Variants in DUSP15 observed in about 807,000 individuals in gnomAD.
DUSP15 encodes the protein dual specificity phosphatase 15.
DUSP15 carries 23 observed loss-of-function variants against 26.3 expected under a neutral mutation model. The ratio of observed to expected loss-of-function variants is 0.87; its 90% CI spans 0.63 to 1.24. DUSP15 has a LOEUF of 1.24. DUSP15 is among the 50% of genes most tolerant of loss of function. The pLI is 0.00. For missense variants in DUSP15, 364 were observed against 320.6 expected (o/e 1.14, Z -1.03); for synonymous variants, 143 against 135.5 (o/e 1.06, Z -0.39).
chr20:31,865,531 C>G (rs946830037), intron 3 of DUSP15, among the ~76,000 whole-genome samples: 2 of 152,214 alleles, frequency 1.3e-5, no homozygotes, highest in Non-Finnish European at 2.9e-5. Flanking sequence ...ATTAGCCACA[C>G]AATATCATGA....
intron 7 of DUSP15, among the ~76,000 whole-genome samples, chr20:31,850,132 C>T (rs940959077): frequency 2.0e-5 from 3 of 152,198 alleles, no homozygotes; most frequent in African/African-American, 7.2e-5. Context: ...AGGGCATGAC[C>T]CTCCCAGCAA....
chr20:31,861,817 T>C, intron 6 of DUSP15, 142 bp from the exon 7 acceptor site: 1 of 666,440 alleles, frequency 1.5e-6, no homozygotes, highest in East Asian at 3.5e-5. Flanking sequence ...CTGAGCGTCT[T>C]CTTTGCCTCC....
downstream of DUSP15, chr20:31,860,981 C>T: frequency 1.0e-6 from 1 of 1,005,002 alleles, no homozygotes; most frequent in Non-Finnish European, 1.2e-6. Flanking sequence ...ATCCCCTTTT[C>T]TGCAGGCTGC....
chr20:31,868,252 T>TG (rs1239459287), intron 2 of DUSP15, among the ~76,000 whole-genome samples: 1 of 152,146 alleles, frequency 6.6e-6, no homozygotes, highest in Admixed American at 6.5e-5. Flanking sequence ...TACAGAGGGT[T>TG]CAGACCTTAC....
rs759679396 is a variant in DUSP15 at position 31,861,484 on chromosome 20, G to A, written c.627C>T (p.His209=). 1 of 1,540,706 alleles carries A rather than the reference G, an allele frequency of 6.5e-7. No homozygotes were observed. Among genetic ancestry groups the A allele is most frequent in the South Asian group, 1.2e-5 (1 of 83,598 alleles). Reference sequence around the variant, plus strand: ...CGCGCGCCAGCAGCGGCAGCGGCCGGTGGGCTTCCCGGGGCGTGCGCGGCA... The same window carrying A: ...CGCGCGCCAGCAGCGGCAGCGGCCGATGGGCTTCCCGGGGCGTGCGCGGCA... ...RLVPRTPREA[H]RPLPLLARVK... is the part of the protein sequence containing the mutation. The change falls in exon 7 of 7, where the codon CAC becomes CAT. Residue 209 remains histidine (H), a synonymous_variant. Transcript: ENST00000339738.
chr20:31,850,826 T>G, intron 6 of DUSP15: 49 of 797,206 alleles, frequency 6.1e-5, no homozygotes, highest in Non-Finnish European at 9.3e-5. Flanking sequence ...TGGGTGGTAG[T>G]AAGGAACCCT....
Position 31,861,572 on chromosome 20 carries a change from G to A in DUSP15, c.539C>T (p.Ala180Val), listed in dbSNP as rs1313541482. ...CGGCCCGGCGGAGGAGGCCGAGGTCGCGGAGCCCTGCCGGCAGCGCTTGCA... is the reference window on the plus strand; with the variant it reads ...CGGCCCGGCGGAGGAGGCCGAGGTCACGGAGCCCTGCCGGCAGCGCTTGCA... ...PLCKRCRQGS[A>V]TSASSAGPHS... The change falls in exon 7 of 7, where the codon GCG (alanine) becomes GTG (valine). Residue 180 changes from alanine to valine, a missense_variant. Transcript: ENST00000339738. 1 of 1,499,000 alleles carries A rather than the reference G, an allele frequency of 6.7e-7. No individual in the cohort carries two copies. The highest frequency in any genetic ancestry group is 2.1e-5 in the Admixed American group (1 of 46,618). The allele number at this position is 1,499,000 out of a possible 1,614,324, so 92.9% of individuals were successfully genotyped here. A position where few individuals can be genotyped will look rare whatever the true frequency, so the allele number is the denominator to read the frequency against.
downstream of DUSP15, among the ~76,000 whole-genome samples, chr20:31,846,291 CAG>C (rs1361812083): frequency 1.4e-5 from 2 of 140,840 alleles, no homozygotes; most frequent in South Asian, 2.2e-4. Context: ...GACACAGACA[CAG>C]ACACACACAC....
At chr20:31,855,423 T>G (rs2062544655) in intron 6 of DUSP15, among the ~76,000 whole-genome samples, 1 of 152,072 alleles carries the variant, frequency 6.6e-6, no homozygotes, top group Non-Finnish European at 1.5e-5. Context: ...GTCGACTGTG[T>G]GTGGTGGGGG....
Position 31,861,528 on chromosome 20 carries a change from C to T in DUSP15, c.583G>A (p.Gly195Arg). 3 of 1,516,716 alleles carry T rather than the reference C, an allele frequency of 2.0e-6. No homozygotes were observed. The highest frequency in any genetic ancestry group is 1.8e-6 in the Non-Finnish European group (2 of 1,140,534). 94.0% of individuals were successfully genotyped at this position (1,516,716 alleles called of 1,614,324 possible). ...SAGPHSAASE[G>R]TVQRLVPRTP... ...CGCGGCACCAGGCGCTGCACGGTTC[C>T]CTCGGAGGCTGCTGAGTGCGGCCCG... Residue 195 changes from glycine to arginine, a missense_variant, in exon 7 of 7, where the codon GGA becomes AGA. Coordinates refer to ENST00000339738, the MANE Select transcript of DUSP15 (RefSeq NM_080611.5).
At position 31,863,894 on chromosome 20, in the gene DUSP15, C is replaced by G. The variant is rs201510689; in HGVS notation, c.263+13G>C. On this transcript the variant is annotated intron_variant, in intron 5 of 6. Coordinates refer to ENST00000339738, the MANE Select transcript of DUSP15 (RefSeq NM_080611.5). ...CCTTCCTCCCCCACCTTATCCCCCT[C>G]CGCTTAACTCACCAGTGCACAAGGC... The G allele has an allele frequency of 1.2e-6, 2 of 1,612,924 alleles. No individual in the cohort carries two copies. Among genetic ancestry groups the G allele is most frequent in the Non-Finnish European group, 1.7e-6 (2 of 1,179,040 alleles).
chr20:31,846,442 T>TAA (rs1555791620), downstream of DUSP15, among the ~76,000 whole-genome samples: 8 of 107,786 alleles, frequency 7.4e-5, no homozygotes, highest in Admixed American at 1.8e-4. Flanking sequence ...AAGGAATGAA[T>TAA]AGAGAGAGAG....
intron 2 of DUSP15, among the ~76,000 whole-genome samples, chr20:31,868,820 G>T (rs1352199960): frequency 6.6e-6 from 1 of 152,152 alleles, no homozygotes; most frequent in Non-Finnish European, 1.5e-5. Context: ...TCTACCCAAG[G>T]TCTATGTTCA....
intron 2 of DUSP15, among the ~76,000 whole-genome samples, chr20:31,868,156 G>T (rs1363655549): frequency 6.6e-6 from 1 of 152,186 alleles, no homozygotes; most frequent in Non-Finnish European, 1.5e-5. Flanking sequence ...AGCATTTACC[G>T]AGTGCTAACC....
At chr20:31,866,657 G>C (rs1188806641) in intron 3 of DUSP15, among the ~76,000 whole-genome samples, 1 of 152,168 alleles carries the variant, frequency 6.6e-6, no homozygotes, top group African/African-American at 2.4e-5. Flanking sequence ...AGCCTTCTGG[G>C]GGCAGACAGA....
At chr20:31,852,120 G>A (rs1029900196) in intron 6 of DUSP15, among the ~76,000 whole-genome samples, 13 of 151,012 alleles carry the variant, frequency 8.6e-5, no homozygotes, top group Non-Finnish European at 1.3e-4. Flanking sequence ...TGATTCTCCC[G>A]CCTCAGCCTC....
At chr20:31,864,259 G>A (rs955677157) in intron 4 of DUSP15, 1 of 1,185,340 alleles carries the variant, frequency 8.4e-7, no homozygotes, top group Non-Finnish European at 1.1e-6. Context: ...TTTTCATGTT[G>A]GGTTTATTGT....
At chr20:31,861,972 C>T (rs998288622) in intron 6 of DUSP15, among the ~76,000 whole-genome samples, 25 of 151,838 alleles carry the variant, frequency 1.6e-4, no homozygotes, top group Admixed American at 1.0e-3. Flanking sequence ...GATCACTCCT[C>T]CCGCTTTGCA....
chr20:31,868,096 T>A (rs1300796494), intron 2 of DUSP15, among the ~76,000 whole-genome samples: 1 of 152,256 alleles, frequency 6.6e-6, no homozygotes, highest in African/African-American at 2.4e-5. Flanking sequence ...ATCTTTTATA[T>A]TCAGAATGAA....
Sources: allele counts gnomAD v4.1 joint callset (sites outside exome capture counted in the v4.1 genomes callset), GRCh38; gene constraint gnomAD v4.1.1; transcripts MANE v1.5; gene names NCBI Gene and HGNC (gene_info 2026-07-23, HGNC 2026-07-21).